KANSL1L: variants seen among roughly 807,000 people sequenced by gnomAD.
The protein encoded by KANSL1L is KAT8 regulatory NSL complex subunit 1-like protein.
In KANSL1L, 25 loss-of-function variants were observed where a neutral mutation model predicts 108.6. That is an observed-to-expected ratio of 0.23 (90% CI 0.17 to 0.32). KANSL1L has a LOEUF of 0.32. Ranked by LOEUF, KANSL1L falls within the 10% of genes least tolerant of loss-of-function variation. The pLI is 1.00. For missense variants in KANSL1L, 1,137 were observed against 1,125.7 expected (o/e 1.01, Z -0.14); for synonymous variants, 405 against 395.1 (o/e 1.03, Z -0.30).
intron 2 of KANSL1L, among the ~76,000 whole-genome samples, chr2:210,141,200 CTTTT>C (rs60129698): frequency 1.3e-5 from 2 of 149,666 alleles, no homozygotes; most frequent in Admixed American, 1.3e-4. Flanking sequence ...TTCTCTTTTT[CTTTT>C]TTCTTTTCTT....
At chr2:210,042,882 G>C (rs183225314) in intron 7 of KANSL1L, among the ~76,000 whole-genome samples, 1 of 152,248 alleles carries the variant, frequency 6.6e-6, no homozygotes, top group East Asian at 1.9e-4. Context: ...AGGGAGACAG[G>C]TTCAAAACAT....
chr2:210,031,369 T>G (rs1174285295), intron 9 of KANSL1L, 52 bp downstream of exon 9: 1 of 1,331,620 alleles, frequency 7.5e-7, no homozygotes, highest in Non-Finnish European at 1.0e-6. Flanking sequence ...AAAATCAGAA[T>G]TTTTAATTTT....
chr2:210,030,980 T>C (rs2094008242), intron 9 of KANSL1L: 1 of 152,434 alleles, frequency 6.6e-6, no homozygotes, highest in African/African-American at 2.4e-5. Flanking sequence ...TCTTATTAGA[T>C]GTTTTTAAAG....
chr2:210,129,323 T>C (rs2095098429), intron 2 of KANSL1L, 151 bp from the exon 3 acceptor site: 1 of 617,314 alleles, frequency 1.6e-6, no homozygotes, highest in South Asian at 2.6e-5. Flanking sequence ...ATTGACTTCT[T>C]ATCAAAGAAA....
At chr2:210,158,204 T>A (rs1221448535) in intron 1 of KANSL1L, among the ~76,000 whole-genome samples, 1 of 152,142 alleles carries the variant, frequency 6.6e-6, no homozygotes, top group Non-Finnish European at 1.5e-5. Flanking sequence ...ATAAGATGAC[T>A]TCTGAGATTA....
At chr2:210,105,622 G>T (rs1053621680) in intron 3 of KANSL1L, among the ~76,000 whole-genome samples, 22 of 151,484 alleles carry the variant, frequency 1.5e-4, no homozygotes, top group Non-Finnish European at 2.8e-4. Context: ...ATGAGTTTTA[G>T]TTTACACTAT....
At chr2:210,052,108 A>G (rs1398785768) in intron 6 of KANSL1L, among the ~76,000 whole-genome samples, 1 of 151,370 alleles carries the variant, frequency 6.6e-6, no homozygotes, top group Non-Finnish European at 1.5e-5. Context: ...GGCTCAAGCA[A>G]TCCTCCCACC....
At chr2:210,117,102 G>A (rs1181939089) in intron 3 of KANSL1L, among the ~76,000 whole-genome samples, 1 of 152,134 alleles carries the variant, frequency 6.6e-6, no homozygotes, top group Non-Finnish European at 1.5e-5. Flanking sequence ...CTGACATTAT[G>A]AAGAATGCAC....
At chr2:210,114,335 G>A (rs1445842030) in intron 3 of KANSL1L, among the ~76,000 whole-genome samples, 2 of 151,808 alleles carry the variant, frequency 1.3e-5, no homozygotes, top group Non-Finnish European at 2.9e-5. Flanking sequence ...AACAAACCCT[G>A]GCCAACCCAA....
chr2:210,170,732 A>C (rs1449315376), intron 1 of KANSL1L: 1 of 152,034 alleles, frequency 6.6e-6, no homozygotes, highest in East Asian at 1.9e-4. Context: ...CCGTCACCAC[A>C]CCCCCAATGG....
chr2:210,070,001 G>C (rs968416181), intron 6 of KANSL1L, among the ~76,000 whole-genome samples: 12 of 150,014 alleles, frequency 8.0e-5, no homozygotes, highest in African/African-American at 2.9e-4. Context: ...GCTAACTTTT[G>C]TATTTTTAGT....
chr2:210,139,162 A>C (rs1408055434), intron 2 of KANSL1L, among the ~76,000 whole-genome samples: 3 of 152,168 alleles, frequency 2.0e-5, no homozygotes, highest in Admixed American at 6.6e-5. Flanking sequence ...CTCACCTTAA[A>C]GTTGAAAAAT....
chr2:210,073,439 T>C (rs949459925), intron 6 of KANSL1L, among the ~76,000 whole-genome samples: 2 of 151,756 alleles, frequency 1.3e-5, no homozygotes, highest in African/African-American at 2.4e-5. Flanking sequence ...CTCACACCTG[T>C]AATCCCAGCA....
chr2:210,061,394 T>G (rs937363767), intron 6 of KANSL1L, among the ~76,000 whole-genome samples: 1 of 152,154 alleles, frequency 6.6e-6, no homozygotes, highest in African/African-American at 2.4e-5. Context: ...ACATCAATAG[T>G]ATAGGGCCTA....
At chr2:210,129,645 T>A (rs1166460383) in intron 2 of KANSL1L, among the ~76,000 whole-genome samples, 3 of 152,190 alleles carry the variant, frequency 2.0e-5, no homozygotes, top group Non-Finnish European at 4.4e-5. Context: ...TTTGTTAAAA[T>A]AGGCATCGTT....
Position 210,021,658 on chromosome 2 carries a change from A to G in KANSL1L, c.*1291T>C, listed in dbSNP as rs576781742. ...ATCTCTAACAAAAACTTAGTGTCAA[A>G]TCTCACAGATAAGGCCAAATGGCCA... On this transcript the variant is annotated 3_prime_UTR_variant, in exon 15 of 15. Transcript: ENST00000281772. 16 of 152,632 alleles carry G rather than the reference A, an allele frequency of 1.0e-4. No individual in the cohort carries two copies. The South Asian group carries it at 2.9e-3, about 28-fold the overall frequency. The allele number at this position is 152,632 out of a possible 1,614,324, so 9.5% of individuals were successfully genotyped here. A position where few individuals can be genotyped will look rare whatever the true frequency, so the allele number is the denominator to read the frequency against.
At chr2:210,137,727 A>G (rs540421651) in intron 2 of KANSL1L, among the ~76,000 whole-genome samples, 1 of 152,264 alleles carries the variant, frequency 6.6e-6, no homozygotes, top group South Asian at 2.1e-4. Context: ...GGAAAATAAT[A>G]TAATATTAAT....
intron 5 of KANSL1L, among the ~76,000 whole-genome samples, chr2:210,091,819 C>T (rs973326741): frequency 3.3e-5 from 5 of 152,124 alleles, no homozygotes; most frequent in African/African-American, 1.2e-4. Context: ...AGATAATATA[C>T]TACTGCCCAA....
At chr2:210,153,382 G>A in intron 2 of KANSL1L, 113 bp downstream of exon 2, 21 of 699,494 alleles carry the variant, frequency 3.0e-5, no homozygotes, top group South Asian at 1.1e-4. Context: ...AAAAAAAAAA[G>A]ATTATAGCAT....
Sources: gnomAD v4.1 joint callset for allele counts (sites outside exome capture counted in the v4.1 genomes callset) on GRCh38, gnomAD v4.1.1 for gene constraint, MANE v1.5 for transcripts, NCBI Gene and HGNC (gene_info 2026-07-23, HGNC 2026-07-21) for gene names.